CRPPA: variants seen among roughly 807,000 people sequenced by gnomAD.
CRPPA encodes the protein CDP-L-ribitol pyrophosphorylase A, also known as D-ribitol-5-phosphate cytidylyltransferase.
A neutral mutation model predicts 52.0 loss-of-function variants in CRPPA; 43 were observed. That is an observed-to-expected ratio of 0.83 (90% CI 0.65 to 1.07). The LOEUF (loss-of-function observed/expected upper bound fraction) is 1.07. Ranked by LOEUF, CRPPA falls within the 50% of genes least tolerant of loss-of-function variation. The pLI is 0.00. For missense variants in CRPPA, 629 were observed against 551.7 expected, an observed-to-expected ratio of 1.14 and a Z score of -1.40; for synonymous variants, 250 against 203.5, an observed-to-expected ratio of 1.23 and a Z score of -1.94.
At chr7:16,325,907 T>C (rs1428079619) in intron 3 of CRPPA, among the ~76,000 whole-genome samples, 2 of 152,086 alleles carry the variant, frequency 1.3e-5, no homozygotes, top group African/African-American at 2.4e-5. Context: ...TGGTTATATG[T>C]AGTAAAATTG....
At position 16,317,892 on chromosome 7, in the gene CRPPA, C is replaced by A. The variant is rs117174374; in HGVS notation, c.685-9265G>T. Among the ~76,000 whole-genome samples the A allele has an allele frequency of 4.8e-3, 731 of 152,262 alleles. 1 individual carries two copies. The highest frequency in any genetic ancestry group is 0.014 in the Middle Eastern group (4 of 294). The stretch of plus-strand genomic sequence containing the variant: ...GTATCAAAGTTCTCTTTTGTCCATA[C>A]CCTCACCAACATTTGTTATTTCTCT... On this transcript the variant is annotated intron_variant, in intron 3 of 9. Coordinates refer to ENST00000407010, the MANE Select transcript of CRPPA (RefSeq NM_001101426.4).
intron 9 of CRPPA, among the ~76,000 whole-genome samples, chr7:16,194,927 A>G (rs766366001): frequency 6.6e-6 from 1 of 151,790 alleles, no homozygotes; most frequent in Non-Finnish European, 1.5e-5. Flanking sequence ...AATCACTAGC[A>G]TAAGAGAGTG....
chr7:16,339,014 T>C (rs1161898959), intron 3 of CRPPA, among the ~76,000 whole-genome samples: 1 of 151,918 alleles, frequency 6.6e-6, no homozygotes, highest in African/African-American at 2.4e-5. Context: ...AGATGGGGCT[T>C]CACCGTGGTC....
chr7:16,228,645 T>C (rs1444311911), intron 8 of CRPPA, among the ~76,000 whole-genome samples: 3 of 151,986 alleles, frequency 2.0e-5, no homozygotes, highest in Non-Finnish European at 2.9e-5. Context: ...TCATATTTTG[T>C]AGTCAGAAAA....
chr7:16,397,015 G>C (rs1284140158), intron 2 of CRPPA, among the ~76,000 whole-genome samples: 1 of 152,084 alleles, frequency 6.6e-6, no homozygotes, highest in Admixed American at 6.5e-5. Flanking sequence ...TGACACGTGT[G>C]AAACATGTGC....
chr7:16,197,205 T>C (rs1333615378), intron 9 of CRPPA, among the ~76,000 whole-genome samples: 1 of 152,154 alleles, frequency 6.6e-6, no homozygotes, highest in Non-Finnish European at 1.5e-5. Context: ...GAGGACTAGG[T>C]TGATAGGGAC....
intron 9 of CRPPA, among the ~76,000 whole-genome samples, chr7:16,202,045 G>C (rs181152267): frequency 3.7e-4 from 57 of 152,278 alleles, no homozygotes; most frequent in African/African-American, 1.3e-3. Context: ...AATTTGCTAA[G>C]AGTTTATCAT....
rs558502507 is a variant in CRPPA at position 16,090,790 on chromosome 7, G to A, written c.*905C>T. The A allele has an allele frequency of 2.0e-5, 3 of 152,062 alleles. No homozygotes were observed. In the South Asian group the frequency reaches 6.2e-4, roughly 32 times the overall value. The allele number at this position is 152,062 out of a possible 1,614,324, so 9.4% of individuals were successfully genotyped here. ...AAAAGTCACCTCTAATGAATTAAAG[G>A]ACACCCATAATTATAACATGCAAGG... is the stretch of plus-strand genomic sequence containing the variant. On this transcript the variant is annotated 3_prime_UTR_variant, in exon 10 of 10. Coordinates refer to ENST00000407010, the MANE Select transcript of CRPPA (RefSeq NM_001101426.4).
At chr7:16,236,511 C>A (rs954698753) in intron 8 of CRPPA, among the ~76,000 whole-genome samples, 2 of 151,824 alleles carry the variant, frequency 1.3e-5, no homozygotes, top group African/African-American at 4.8e-5. Flanking sequence ...GGATTCAAGC[C>A]AAAAAAATCT....
chr7:16,320,348 T>C (rs10950607), intron 3 of CRPPA, among the ~76,000 whole-genome samples: 68,798 of 152,062 alleles, frequency 0.45, 15,854 homozygotes, highest in South Asian at 0.62. Flanking sequence ...TAAATGAATA[T>C]GACTCAGAGG....
At chr7:16,343,075 C>A (rs978590343) in intron 3 of CRPPA, among the ~76,000 whole-genome samples, 1 of 151,474 alleles carries the variant, frequency 6.6e-6, no homozygotes, top group South Asian at 2.1e-4. Flanking sequence ...ATGCACAAAG[C>A]CAAATATGTG....
chr7:16,404,542 A>T lies in CRPPA; in HGVS notation c.534+1519T>A, dbSNP rs575147971. On this transcript the variant is annotated intron_variant, in intron 2 of 9. Transcript: ENST00000407010. Reference sequence around the variant, plus strand: ...AGAAATACTTTCTGCTTATTACTCAACAACAACAAAAAAAATTGCAAATGT... The same window carrying T: ...AGAAATACTTTCTGCTTATTACTCATCAACAACAAAAAAAATTGCAAATGT... 2.4e-3 allele frequency among the ~76,000 whole-genome samples: 359 copies of T among 152,202 alleles called. 3 individuals carry two copies. The highest frequency in any genetic ancestry group is 8.5e-3 in the African/African-American group (353 of 41,526).
rs1002007151 is a variant in CRPPA at position 16,146,133 on chromosome 7, C to T, written c.1252-54334G>A. Among the ~76,000 whole-genome samples, 14 of 151,990 alleles carry T rather than the reference C, an allele frequency of 9.2e-5. 2 individuals carry two copies. The South Asian group carries it at 2.9e-3, about 32-fold the overall frequency. ...CTATGACTGGATTTCTCAGCAGAAACCTTTCAAGCCAAGAGAAAACGGGAA... is the reference window on the plus strand; with the variant it reads ...CTATGACTGGATTTCTCAGCAGAAATCTTTCAAGCCAAGAGAAAACGGGAA... On this transcript the variant is annotated intron_variant, in intron 9 of 9. Coordinates refer to ENST00000407010, the MANE Select transcript of CRPPA (RefSeq NM_001101426.4).
intron 5 of CRPPA, among the ~76,000 whole-genome samples, chr7:16,289,537 A>G (rs1784518101): frequency 6.6e-6 from 1 of 152,232 alleles, no homozygotes. Flanking sequence ...ATGCAAATCC[A>G]TAAATGTGAT....
chr7:16,265,381 G>C (rs1252024276), intron 6 of CRPPA, among the ~76,000 whole-genome samples: 2 of 152,162 alleles, frequency 1.3e-5, no homozygotes, highest in Non-Finnish European at 2.9e-5. Context: ...GAAAAGGACT[G>C]GTGCTTCCCT....
intron 8 of CRPPA, among the ~76,000 whole-genome samples, chr7:16,248,522 C>G (rs958923439): frequency 1.3e-5 from 2 of 152,156 alleles, no homozygotes; most frequent in African/African-American, 4.8e-5. Context: ...TGTGATATAT[C>G]TGATAGGCTA....
intron 9 of CRPPA, among the ~76,000 whole-genome samples, chr7:16,173,248 G>C (rs1398485884): frequency 1.3e-5 from 2 of 152,136 alleles, no homozygotes; most frequent in East Asian, 1.9e-4. Flanking sequence ...TTAATCAAGT[G>C]CCATATCTAC....
chr7:16,156,970 G>A (rs1227090606), intron 9 of CRPPA, among the ~76,000 whole-genome samples: 1 of 152,120 alleles, frequency 6.6e-6, no homozygotes, highest in Non-Finnish European at 1.5e-5. Context: ...ACACAGCAGA[G>A]CATGTGAGCA....
chr7:16,357,643 G>T (rs560709249), intron 3 of CRPPA, among the ~76,000 whole-genome samples: 16 of 152,286 alleles, frequency 1.1e-4, no homozygotes, highest in Non-Finnish European at 1.6e-4. Context: ...ACTGGGAAAT[G>T]ACCTCAGGAG....
Sources: allele counts gnomAD v4.1 joint callset (sites outside exome capture counted in the v4.1 genomes callset), GRCh38; gene constraint gnomAD v4.1.1; transcripts MANE v1.5; gene names NCBI Gene and HGNC (gene_info 2026-07-23, HGNC 2026-07-21).